Variants in DTNB observed in about 807,000 individuals in gnomAD.
DTNB encodes the protein dystrobrevin beta, also known as DTN-B.
A neutral mutation model predicts 90.7 loss-of-function variants in DTNB; 63 were observed. The ratio of observed to expected loss-of-function variants is 0.69; its 90% CI spans 0.57 to 0.86. The LOEUF is 0.86. DTNB is among the 40% of genes least tolerant of loss of function. The pLI, the probability that DTNB is intolerant of heterozygous loss-of-function variation, is 0.00. For synonymous variants in DTNB, 277 were observed against 286.7 expected (o/e 0.97, Z 0.34); for missense variants, 744 against 807.1 (o/e 0.92, Z 0.95).
intron 9 of DTNB, 56 bp from the exon 10 acceptor site, chr2:25,482,929 G>T: frequency 2.1e-6 from 3 of 1,461,862 alleles, no homozygotes; most frequent in African/African-American, 1.4e-5. Context: ...GGAAACAAGG[G>T]AAACGACGAT....
At chr2:25,454,874 G>A (rs1185384097) in intron 11 of DTNB, among the ~76,000 whole-genome samples, 2 of 152,142 alleles carry the variant, frequency 1.3e-5, no homozygotes, top group African/African-American at 2.4e-5. Context: ...ACCCTCAGGT[G>A]ACAGTGACCC....
chr2:25,552,839 T>C (rs944510527), intron 8 of DTNB, among the ~76,000 whole-genome samples: 13 of 138,434 alleles, frequency 9.4e-5, no homozygotes, highest in Non-Finnish European at 1.5e-4. Flanking sequence ...TTTCTCTTTT[T>C]GATTTTTTTT....
intron 4 of DTNB, among the ~76,000 whole-genome samples, chr2:25,616,321 T>A (rs2070481381): frequency 1.3e-5 from 2 of 150,426 alleles, no homozygotes; most frequent in South Asian, 4.2e-4. Flanking sequence ...CTTCTATATA[T>A]TATAATAATT....
intron 10 of DTNB, among the ~76,000 whole-genome samples, chr2:25,457,138 T>C (rs2060172833): frequency 6.6e-6 from 1 of 152,192 alleles, no homozygotes; most frequent in African/African-American, 2.4e-5. Flanking sequence ...GTCTCCTGTG[T>C]AGCTGGGATT....
intron 19 of DTNB, 95 bp from the exon 20 acceptor site, chr2:25,379,418 C>T (rs984962453): frequency 3.1e-5 from 39 of 1,260,758 alleles, no homozygotes; most frequent in Non-Finnish European, 3.9e-5. Context: ...ACCAACCCAC[C>T]CCAGGGGCTT....
intron 9 of DTNB, among the ~76,000 whole-genome samples, chr2:25,500,061 T>A (rs2070141535): frequency 6.6e-6 from 1 of 151,910 alleles, no homozygotes; most frequent in Non-Finnish European, 1.5e-5. Context: ...ATCCAGTTAA[T>A]TTTTTTTATT....
At chr2:25,592,929 T>C (rs1465679500) in intron 6 of DTNB, among the ~76,000 whole-genome samples, 1 of 152,224 alleles carries the variant, frequency 6.6e-6, no homozygotes, top group East Asian at 1.9e-4. Flanking sequence ...GAGCCACTGA[T>C]TTCCTTCTTC....
intron 8 of DTNB, among the ~76,000 whole-genome samples, chr2:25,562,370 G>A (rs2058396687): frequency 6.6e-6 from 1 of 152,150 alleles, no homozygotes; most frequent in African/African-American, 2.4e-5. Context: ...TAGCTCTTTG[G>A]AATAATGTTG....
chr2:25,450,957 AC>A (rs962330036), intron 12 of DTNB, among the ~76,000 whole-genome samples: 1 of 152,070 alleles, frequency 6.6e-6, no homozygotes, highest in African/African-American at 2.4e-5. Flanking sequence ...GGTGCGTGCT[AC>A]CACACCTGGC....
At chr2:25,622,099 G>C (rs2072878582) in intron 4 of DTNB, among the ~76,000 whole-genome samples, 1 of 151,356 alleles carries the variant, frequency 6.6e-6, no homozygotes, top group Non-Finnish European at 1.5e-5. Flanking sequence ...CAACACTTTT[G>C]GTAAAGGCCA....
At chr2:25,581,273 T>A (rs1051966556) in intron 6 of DTNB, among the ~76,000 whole-genome samples, 6 of 152,230 alleles carry the variant, frequency 3.9e-5, no homozygotes, top group African/African-American at 1.4e-4. Context: ...CCAGCTCTCC[T>A]AACAGTGCCT....
rs147723737 is a variant in DTNB at position 25,606,810 on chromosome 2, T to C, written c.448+426A>G. The stretch of plus-strand genomic sequence containing the variant: ...ATAACTGTGGCTGACTCTAGAGTAG[T>C]AAGGAATAATGTAATCACAGCAAAC... On this transcript the variant is annotated intron_variant, in intron 5 of 20. Coordinates refer to ENST00000406818, the MANE Select transcript of DTNB (RefSeq NM_021907.5). Among the ~76,000 whole-genome samples, 474 of 152,164 alleles carry C rather than the reference T, an allele frequency of 3.1e-3. 1 individual carries two copies. Among genetic ancestry groups the C allele is most frequent in the African/African-American group, 0.011 (454 of 41,498 alleles).
rs2064141189 is a variant in DTNB, at chr2:25,478,261, T to G, written c.1079+4535A>C. Among the ~76,000 whole-genome samples, 5 of 152,128 alleles carry G rather than the reference T, an allele frequency of 3.3e-5. No individual in the cohort carries two copies. In the South Asian group the frequency reaches 1.0e-3, roughly 32 times the overall value. On this transcript the variant is annotated intron_variant, in intron 10 of 20. Coordinates refer to ENST00000406818, the MANE Select transcript of DTNB (RefSeq NM_021907.5). ...CACAAAAGGAGATACCCAGGCCTGG[T>G]CCAGATGACTGGGTATAAATTGGAT...
At chr2:25,576,658 T>C (rs1444400632) in intron 8 of DTNB, 180 bp downstream of exon 8, 1 of 740,462 alleles carries the variant, frequency 1.4e-6, no homozygotes, top group African/African-American at 1.8e-5. Context: ...TTAAAAATTC[T>C]GCTTTTAAAA....
intron 8 of DTNB, among the ~76,000 whole-genome samples, chr2:25,556,144 G>A (rs1360121617): frequency 1.4e-5 from 2 of 139,804 alleles, no homozygotes; most frequent in East Asian, 2.3e-4. Flanking sequence ...ACTACTAATG[G>A]ATGTTTTGGT....
At chr2:25,628,751 G>A (rs193296738) in intron 3 of DTNB, among the ~76,000 whole-genome samples, 99 of 152,268 alleles carry the variant, frequency 6.5e-4, no homozygotes, top group African/African-American at 2.3e-3. Flanking sequence ...CAGCTTTACT[G>A]TATTACTTTA....
chr2:25,634,452 C>T (rs1250334627), intron 3 of DTNB, among the ~76,000 whole-genome samples: 1 of 150,868 alleles, frequency 6.6e-6, no homozygotes, highest in Non-Finnish European at 1.5e-5. Context: ...AGCCCCCCGC[C>T]CGGCCAGTCG....
chr2:25,403,684 T>A (rs2044326142), intron 16 of DTNB, among the ~76,000 whole-genome samples: 1 of 152,194 alleles, frequency 6.6e-6, no homozygotes, highest in Non-Finnish European at 1.5e-5. Context: ...TAAGCCAAAT[T>A]TGTGTGGTGA....
Position 25,596,138 on chromosome 2 carries a change from C to A in DTNB, c.551G>T (p.Gly184Val). Residue 184 changes from glycine to valine, a missense_variant, in exon 6 of 21, where the codon GGG (glycine) becomes GTG (valine). By Grantham distance (109) the Gly-to-Val change is moderately radical. Transcript: ENST00000406818. ...GTGCTCTGTGTAACCAAAAGATGGC[C>A]CTTCAAAGACAGCTGTTGGGAGCTT... ...VLKLPTAVFE[G>V]PSFGYTEHSV... The A allele has an allele frequency of 6.2e-7, 1 of 1,613,208 alleles. No homozygotes were observed. The highest frequency in any genetic ancestry group is 8.5e-7 in the Non-Finnish European group (1 of 1,179,568).
Sources: gnomAD v4.1 joint callset for allele counts (sites outside exome capture counted in the v4.1 genomes callset) on GRCh38, gnomAD v4.1.1 for gene constraint, MANE v1.5 for transcripts, NCBI Gene and HGNC (gene_info 2026-07-23, HGNC 2026-07-21) for gene names.